The following PKN3 variants were observed in gnomAD, a reference collection of about 807,000 sequenced individuals.
PKN3 encodes the protein protein kinase N3.
In PKN3, 91 loss-of-function variants were observed where a neutral mutation model predicts 113.1. The ratio of observed to expected loss-of-function variants is 0.80; its 90% CI spans 0.68 to 0.96. PKN3 has a LOEUF of 0.96. PKN3 is among the 40% of genes least tolerant of loss of function. The pLI is 0.00. For missense variants in PKN3, 1,052 were observed against 1,202.2 expected (o/e 0.88, Z 1.85); for synonymous variants, 467 against 499.0 (o/e 0.94, Z 0.85).
intron 2 of PKN3, 77 bp from the exon 3 acceptor site, chr9:128,705,657 A>G (rs1861991508): frequency 9.7e-6 from 15 of 1,539,352 alleles, no homozygotes; most frequent in Non-Finnish European, 8.8e-7. Context: ...ATAGATCAGT[A>G]GGGGAAGGAG....
In PKN3 at chr9:128,716,829, A is replaced by G; in HGVS notation, c.1891A>G (p.Thr631Ala). 6.2e-7 allele frequency: 1 copy of G among 1,613,704 alleles called. No individual in the cohort carries two copies. The highest frequency in any genetic ancestry group is 8.5e-7 in the Non-Finnish European group (1 of 1,179,922). The change falls in exon 16 of 22, where the codon ACC becomes GCC. Residue 631 changes from threonine (T) to alanine (A), a missense_variant. Transcript: ENST00000291906. ...GCTCTCCCTCCTTGCCTGCTTCCAG[A>G]CCTCCAGCCATGCCTGCTTTGTGAC... ...FLLSLLACFQ[T>A]SSHACFVTEF...
intron 1 of PKN3, chr9:128,703,455 G>A (rs374349768): frequency 1.0e-6 from 1 of 985,416 alleles, no homozygotes; most frequent in East Asian, 1.1e-4. Context: ...CCCGCCCCAG[G>A]GCGGGAACCT....
At chr9:128,717,410 G>C (rs1227869826) in intron 16 of PKN3, among the ~76,000 whole-genome samples, 4 of 151,408 alleles carry the variant, frequency 2.6e-5, no homozygotes, top group South Asian at 2.1e-4. Flanking sequence ...TTACAGGCGT[G>C]AGCCACCACA....
Position 128,720,227 on chromosome 9 carries a change from C to A in PKN3, c.2401C>A (p.Arg801Ser). 6.2e-7 allele frequency: 1 copy of A among 1,613,840 alleles called. No individual in the cohort carries two copies. The highest frequency in any genetic ancestry group is 8.5e-7 in the Non-Finnish European group (1 of 1,179,998). Residue 801 changes from arginine to serine, a missense_variant, in exon 21 of 22, where the codon CGC becomes AGC. Transcript: ENST00000291906. The surrounding 1 kb of genome is among the most constrained non-coding windows in gnomAD (Gnocchi z 5.5). ...GCTCCTCCAGAAGTGCCCGGAGAAG[C>A]GCCTCGGGGCAGGTGAGCAGGATGC... ...QKLLQKCPEK[R>S]LGAGEQDAEE...
At chr9:128,716,153 A>G (rs938724074) in intron 15 of PKN3, among the ~76,000 whole-genome samples, 1 of 151,874 alleles carries the variant, frequency 6.6e-6, no homozygotes, top group African/African-American at 2.4e-5. Context: ...AAAAAATACA[A>G]AAATTAGCTG....
chr9:128,717,312 G>T (rs13292812), intron 16 of PKN3, among the ~76,000 whole-genome samples: 1 of 150,210 alleles, frequency 6.7e-6, no homozygotes, highest in East Asian at 2.0e-4. Flanking sequence ...ATTTTTAGTA[G>T]AGACGAGGTT....
intron 16 of PKN3, 73 bp downstream of exon 16, chr9:128,716,996 T>G (rs1164083872): frequency 1.2e-5 from 16 of 1,303,930 alleles, no homozygotes; most frequent in Non-Finnish European, 1.8e-5. Flanking sequence ...CTCTACATAC[T>G]GCTTTCTCCA....
chr9:128,702,844 C>A lies in PKN3; in HGVS notation c.-72C>A. 8.7e-7 allele frequency: 1 copy of A among 1,147,736 alleles called. No individual in the cohort carries two copies. The highest frequency in any genetic ancestry group is 1.2e-6 in the Non-Finnish European group (1 of 809,398). The allele number at this position is 1,147,736 out of a possible 1,614,324, so 71.1% of individuals were successfully genotyped here. A position where few individuals can be genotyped will look rare whatever the true frequency, so the allele number is the denominator to read the frequency against. On this transcript the variant is annotated 5_prime_UTR_variant, in exon 1 of 22. Coordinates refer to ENST00000291906, the MANE Select transcript of PKN3 (RefSeq NM_013355.5). ...CCCGGGAAGTTTCAAGTTTGAAAGT[C>A]CTGGCGGAGGGTCTGCGGCTTCCGG...
intron 6 of PKN3, among the ~76,000 whole-genome samples, chr9:128,708,702 GC>G (rs1225121560): frequency 2.0e-5 from 3 of 151,646 alleles, no homozygotes; most frequent in African/African-American, 7.3e-5. Flanking sequence ...AATTAGCCGG[GC>G]GTGGTGGCGC....
At chr9:128,703,045 C>A in intron 1 of PKN3, 106 bp downstream of exon 1, 2 of 792,670 alleles carry the variant, frequency 2.5e-6, no homozygotes, top group Non-Finnish European at 3.7e-6. Context: ...TCCCCTCACC[C>A]GCGCCCCTTC....
In PKN3 at chr9:128,715,014, C is replaced by T; in HGVS notation, c.1652+149C>T. On this transcript the variant is annotated intron_variant, in intron 13 of 21. Coordinates refer to ENST00000291906, the MANE Select transcript of PKN3 (RefSeq NM_013355.5). This position sits in a 1 kb window ranked among gnomAD's most constrained non-coding sequence, Gnocchi z 4.1. ...TTTACTAAACCCACATTATTGAGCT[C>T]CAGCTCTATGCCGGCTTCTAGGAGT... 9.3e-7 allele frequency: 1 copy of T among 1,074,556 alleles called. No homozygotes were observed. The highest frequency in any genetic ancestry group is 1.4e-6 in the Non-Finnish European group (1 of 707,142). The allele number at this position is 1,074,556 out of a possible 1,614,324, so 66.6% of individuals were successfully genotyped here.
intron 6 of PKN3, among the ~76,000 whole-genome samples, chr9:128,712,714 G>A (rs965196841): frequency 1.3e-5 from 2 of 152,196 alleles, no homozygotes; most frequent in Non-Finnish European, 2.9e-5. Flanking sequence ...CTGGAAAGAG[G>A]TGGCTGCCAC....
At position 128,702,618 on chromosome 9, in the gene PKN3, C is replaced by T; in HGVS notation, c.-298C>T. On this transcript the variant is annotated 5_prime_UTR_variant, in exon 1 of 22. Transcript: ENST00000291906. ...AACCGGGGGTGAGGCGCGGTCACGC[C>T]CAGCGGGAACCGCAGGCGCCGAAGC... 2.6e-6 allele frequency: 1 copy of T among 385,796 alleles called. No homozygotes were observed. Among genetic ancestry groups the T allele is most frequent in the Non-Finnish European group, 4.6e-6 (1 of 217,860 alleles). 23.9% of individuals were successfully genotyped at this position (385,796 alleles called of 1,614,324 possible). A position where few individuals can be genotyped will look rare whatever the true frequency, so the allele number is the denominator to read the frequency against.
In PKN3 at chr9:128,720,237, C is replaced by T; in HGVS notation, c.2411C>T (p.Ala804Val). The T allele has an allele frequency of 1.2e-6, 2 of 1,613,936 alleles. No homozygotes were observed. Among genetic ancestry groups the T allele is most frequent in the Non-Finnish European group, 1.7e-6 (2 of 1,180,022 alleles). The change falls in exon 21 of 22, where the codon GCA becomes GTA. Residue 804 changes from alanine to valine, a missense_variant. Coordinates refer to ENST00000291906, the MANE Select transcript of PKN3 (RefSeq NM_013355.5). This position sits in a 1 kb window ranked among gnomAD's most constrained non-coding sequence, Gnocchi z 5.5. ...LQKCPEKRLG[A>V]GEQDAEEIKV... Reference sequence around the variant, plus strand: ...AAGTGCCCGGAGAAGCGCCTCGGGGCAGGTGAGCAGGATGCCGAGGAGATC... The same window carrying T: ...AAGTGCCCGGAGAAGCGCCTCGGGGTAGGTGAGCAGGATGCCGAGGAGATC...
At chr9:128,718,690 T>C in intron 18 of PKN3, 65 bp downstream of exon 18, 1 of 1,419,950 alleles carries the variant, frequency 7.0e-7, no homozygotes, top group South Asian at 1.1e-5. Context: ...AATAGGATGA[T>C]GGGCACATGG....
rs767087494 is a variant in PKN3, at chr9:128,713,091, T to A, written c.875T>A (p.Leu292Gln). 6.8e-6 allele frequency: 11 copies of A among 1,611,952 alleles called. No homozygotes were observed. In the South Asian group the frequency reaches 8.8e-5, roughly 13 times the overall value. Residue 292 changes from leucine to glutamine, a missense_variant, in exon 7 of 22, where the codon CTG (leucine) becomes CAG (glutamine). Leu to Gln is a moderately radical substitution (Grantham distance 113). This residue lies in a region of PKN3 where 719 missense variants were observed against 759.4 expected (regional missense o/e 0.95). Transcript: ENST00000291906. ...CGCCTCCTGGGCTGTGAACAGTTGC[T>A]GACAGCCGTGCCTGGGCGCTCCCCA... ...QVRLLGCEQL[L>Q]TAVPGRSPAA... is the part of the protein sequence containing the mutation.
rs778105324 is a variant in PKN3 at position 128,706,962 on chromosome 9, C to T, written c.590C>T (p.Ala197Val). The change falls in exon 5 of 22, where the codon GCC (alanine) becomes GTC (valine). Residue 197 changes from alanine (A) to valine (V), a missense_variant. Physicochemically the swap from Ala to Val is moderately conservative, Grantham distance 64. This residue lies in a region of PKN3 where 719 missense variants were observed against 759.4 expected (regional missense o/e 0.95). Coordinates refer to ENST00000291906, the MANE Select transcript of PKN3 (RefSeq NM_013355.5). ...LHVEAAVAEG[A>V]KNVVKLLSSR... is the part of the protein sequence containing the mutation. ...GTTGAGGCAGCTGTGGCTGAGGGCG[C>T]CAAGAACGTGGTGAAACTGCTTAGT... The T allele has an allele frequency of 1.9e-6, 3 of 1,614,056 alleles. No homozygotes were observed. The highest frequency in any genetic ancestry group is 2.7e-5 in the African/African-American group (2 of 74,932).
At position 128,705,503 on chromosome 9, in the gene PKN3, C is replaced by T. The variant is rs55665019; in HGVS notation, c.225C>T (p.His75=). The T allele has an allele frequency of 0.02, 31,664 of 1,558,766 alleles. 4,610 individuals carry two copies. The African/African-American group carries it at 0.34, about 17-fold the overall frequency. The change falls in exon 2 of 22, where the codon CAC becomes CAT. Residue 75 remains histidine (H), a synonymous_variant. Coordinates refer to ENST00000291906, the MANE Select transcript of PKN3 (RefSeq NM_013355.5). ...EQLHGELREL[H]ARILLPGPGP... ...TGCATGGCGAGCTGCGGGAGCTGCA[C>T]GCCCGAATCCTGCTGCCCGGCCCTG...
At chr9:128,706,282 G>C (rs577647315) in intron 3 of PKN3, among the ~76,000 whole-genome samples, 1 of 151,664 alleles carries the variant, frequency 6.6e-6, no homozygotes, top group Admixed American at 6.6e-5. Context: ...TCTGATGGGA[G>C]AGGCTTAGCT....
Sources: allele counts gnomAD v4.1 joint callset (sites outside exome capture counted in the v4.1 genomes callset), GRCh38; gene constraint gnomAD v4.1.1; regional missense constraint gnomAD v4.1.1; non-coding constraint Gnocchi (gnomAD v3.1); transcripts MANE v1.5; gene names NCBI Gene and HGNC (gene_info 2026-07-23, HGNC 2026-07-21).